UNC5D: variants seen among roughly 807,000 people sequenced by gnomAD.
UNC5D encodes netrin receptor UNC5D.
UNC5D carries 39 observed loss-of-function variants against 105.4 expected under a neutral mutation model. That is an observed-to-expected ratio of 0.37 (90% CI 0.29 to 0.48). The LOEUF is 0.48. UNC5D is among the 20% of genes least tolerant of loss of function. The probability of loss-of-function intolerance (pLI) is 0.98; values close to 1 mark genes in which losing one functional copy is unlikely to be tolerated. For missense variants in UNC5D, 991 were observed against 1,202.4 expected (o/e 0.82, Z 2.60); for synonymous variants, 452 against 450.4 (o/e 1.00, Z -0.04).
chr8:35,490,813 A>G (rs1387303936), intron 1 of UNC5D, among the ~76,000 whole-genome samples: 2 of 152,172 alleles, frequency 1.3e-5, no homozygotes, highest in African/African-American at 4.8e-5. Flanking sequence ...ATTTCATCAA[A>G]TGGCTTCAGG....
Position 35,294,442 on chromosome 8 carries a change from A to G in UNC5D, c.103+58555A>G, listed in dbSNP as rs185579725. On this transcript the variant is annotated intron_variant, in intron 1 of 16. Transcript: ENST00000404895. Reference sequence around the variant, plus strand: ...TCAGCTGTCATCTTGACATTTTTAAAGACAAATCACTTTCTAAAATTATCA... The same window carrying G: ...TCAGCTGTCATCTTGACATTTTTAAGGACAAATCACTTTCTAAAATTATCA... 1.4e-4 allele frequency among the ~76,000 whole-genome samples: 21 copies of G among 152,294 alleles called. No individual in the cohort carries two copies. In the East Asian group the frequency reaches 4.1e-3, roughly 29 times the overall value.
intron 13 of UNC5D, among the ~76,000 whole-genome samples, chr8:35,751,420 A>G (rs1830278102): frequency 6.6e-6 from 1 of 152,228 alleles, no homozygotes; most frequent in Non-Finnish European, 1.5e-5. Flanking sequence ...TAGTCCTACA[A>G]AGGCAATCTA....
chr8:35,741,520 T>G (rs531345763), intron 11 of UNC5D, among the ~76,000 whole-genome samples: 1 of 152,286 alleles, frequency 6.6e-6, no homozygotes, highest in Non-Finnish European at 1.5e-5. Flanking sequence ...AATGGCATGA[T>G]GAGTTATAAC....
At chr8:35,428,257 G>A (rs533572439) in intron 1 of UNC5D, among the ~76,000 whole-genome samples, 41 of 151,644 alleles carry the variant, frequency 2.7e-4, no homozygotes, top group Middle Eastern at 3.4e-3. Flanking sequence ...TCAGCTCAAG[G>A]AGCCCTCCAC....
intron 3 of UNC5D, among the ~76,000 whole-genome samples, chr8:35,578,427 T>A (rs186924358): frequency 6.6e-6 from 1 of 152,300 alleles, no homozygotes; most frequent in Admixed American, 6.5e-5. Context: ...TGTGGGATAC[T>A]GCTTGGTGCT....
chr8:35,720,311 G>C (rs890065716), intron 8 of UNC5D, among the ~76,000 whole-genome samples: 1 of 152,212 alleles, frequency 6.6e-6, no homozygotes, highest in Non-Finnish European at 1.5e-5. Context: ...CAACAAAGGA[G>C]CTGCATTCTG....
At chr8:35,403,989 T>C (rs1176696660) in intron 1 of UNC5D, among the ~76,000 whole-genome samples, 2 of 152,120 alleles carry the variant, frequency 1.3e-5, no homozygotes, top group East Asian at 3.9e-4. Flanking sequence ...GAGATGACAG[T>C]GTGGGTGTTG....
At chr8:35,271,743 T>A (rs4585746) in intron 1 of UNC5D, among the ~76,000 whole-genome samples, 1 of 130,646 alleles carries the variant, frequency 7.7e-6, no homozygotes, top group Admixed American at 7.4e-5. Flanking sequence ...ACATATATAT[T>A]TATACATGTA....
intron 1 of UNC5D, among the ~76,000 whole-genome samples, chr8:35,432,828 C>T (rs976723453): frequency 4.6e-5 from 7 of 152,170 alleles, no homozygotes; most frequent in African/African-American, 1.7e-4. Flanking sequence ...CTTTGATCTG[C>T]TATCACTTTC....
intron 1 of UNC5D, among the ~76,000 whole-genome samples, chr8:35,278,352 GTCT>G (rs758988838): frequency 8.5e-5 from 13 of 152,134 alleles, no homozygotes; most frequent in Non-Finnish European, 1.3e-4. Flanking sequence ...CATTTAAAAT[GTCT>G]TCATTAGGGT....
intron 4 of UNC5D, among the ~76,000 whole-genome samples, chr8:35,646,532 T>C (rs1000618329): frequency 1.3e-5 from 2 of 152,154 alleles, no homozygotes; most frequent in African/African-American, 2.4e-5. Context: ...TCCTGTGTCA[T>C]GTTTGATATT....
At chr8:35,626,146 G>A (rs1385093479) in intron 4 of UNC5D, among the ~76,000 whole-genome samples, 1 of 150,428 alleles carries the variant, frequency 6.6e-6, no homozygotes, top group East Asian at 2.0e-4. Flanking sequence ...ATGTTCCATT[G>A]TGTCTGCAAA....
chr8:35,782,138 T>C lies in UNC5D; in HGVS notation c.2657+7661T>C, dbSNP rs189612662. Among the ~76,000 whole-genome samples, 1,036 of 152,318 alleles carry C rather than the reference T, an allele frequency of 6.8e-3. 7 individuals are homozygous for C. Among genetic ancestry groups the C allele is most frequent in the African/African-American group, 0.022 (930 of 41,582 alleles). On this transcript the variant is annotated intron_variant, in intron 16 of 16. Coordinates refer to ENST00000404895, the MANE Select transcript of UNC5D (RefSeq NM_080872.4). ...TTAAAAATGCAGCACTGGCTTACTT[T>C]ATCCTGTAGGCTGCTTTGCTGTTTG...
intron 1 of UNC5D, among the ~76,000 whole-genome samples, chr8:35,248,182 A>G (rs1585407041): frequency 2.8e-4 from 18 of 63,434 alleles, no homozygotes; most frequent in African/African-American, 1.1e-3. Context: ...TAATATATAT[A>G]ATATATAAAT....
intron 1 of UNC5D, among the ~76,000 whole-genome samples, chr8:35,523,578 CTTTTT>C (rs33917742): frequency 1.0e-4 from 10 of 97,552 alleles, no homozygotes; most frequent in African/African-American, 2.9e-4. Context: ...GTAATGTGCT[CTTTTT>C]TTTTTTTTTT....
At chr8:35,393,987 C>T (rs1469433019) in intron 1 of UNC5D, among the ~76,000 whole-genome samples, 2 of 151,814 alleles carry the variant, frequency 1.3e-5, no homozygotes, top group African/African-American at 2.4e-5. Context: ...CTCCTTCATC[C>T]TTCTTCCTCT....
chr8:35,444,534 AAC>A (rs1411844249), intron 1 of UNC5D, among the ~76,000 whole-genome samples: 1 of 152,002 alleles, frequency 6.6e-6, no homozygotes, highest in Non-Finnish European at 1.5e-5. Context: ...TGCATATAGA[AAC>A]ACACACTTTC....
At chr8:35,346,421 G>A (rs951671547) in intron 1 of UNC5D, among the ~76,000 whole-genome samples, 1 of 151,914 alleles carries the variant, frequency 6.6e-6, no homozygotes, top group Non-Finnish European at 1.5e-5. Context: ...AGATATATGG[G>A]CTGTTTTCTT....
chr8:35,292,716 C>CTTTTTTTTTTT (rs35935733), intron 1 of UNC5D, among the ~76,000 whole-genome samples: 3 of 123,638 alleles, frequency 2.4e-5, no homozygotes, highest in Non-Finnish European at 3.3e-5. Context: ...CTTTTTTTTC[C>CTTTTTTTTTTT]TTTTTTTTTT....
Sources: allele counts gnomAD v4.1 joint callset (sites outside exome capture counted in the v4.1 genomes callset), GRCh38; gene constraint gnomAD v4.1.1; transcripts MANE v1.5; gene names NCBI Gene and HGNC (gene_info 2026-07-23, HGNC 2026-07-21).